XKR9: variants seen among roughly 807,000 people sequenced by gnomAD.
XKR9 encodes XK related 9.
A neutral mutation model predicts 32.0 loss-of-function variants in XKR9; 32 were observed. The ratio of observed to expected loss-of-function variants is 1.00; its 90% CI spans 0.76 to 1.34. XKR9 has a LOEUF of 1.34. Among genes scored for constraint, XKR9 ranks in the 40% most tolerant of loss-of-function variants. The pLI is 0.00. For synonymous variants in XKR9, 168 were observed against 143.4 expected (o/e 1.17, Z -1.22); for missense variants, 546 against 429.7 (o/e 1.27, Z -2.39).
chr8:70,687,528 T>G (rs1819344211), intron 3 of XKR9, among the ~76,000 whole-genome samples: 1 of 151,740 alleles, frequency 6.6e-6, no homozygotes, highest in South Asian at 2.1e-4. Flanking sequence ...TGCCATCAGG[T>G]CTGGCTAATT....
the XKR9 span, among the ~76,000 whole-genome samples, chr8:70,922,984 C>T: frequency 6.6e-6 from 1 of 152,250 alleles, no homozygotes; most frequent in Admixed American, 6.5e-5. Flanking sequence ...ATCCCTGTAG[C>T]TTGCTGACAG....
chr8:70,843,563 C>G, the XKR9 span, among the ~76,000 whole-genome samples: 1 of 152,084 alleles, frequency 6.6e-6, no homozygotes, highest in African/African-American at 2.4e-5. Flanking sequence ...CACTGAAATT[C>G]AACAGAGAAG....
chr8:70,779,573 C>T (rs1807587047), intron 2 of XKR9, among the ~76,000 whole-genome samples: 1 of 152,122 alleles, frequency 6.6e-6, no homozygotes, highest in Non-Finnish European at 1.5e-5. Context: ...GGCTGTGAAT[C>T]CGTCTGGACC....
At chr8:70,754,982 C>G (rs565379548) in intron 2 of XKR9, among the ~76,000 whole-genome samples, 159 of 151,954 alleles carry the variant, frequency 1.0e-3, no homozygotes, top group Non-Finnish European at 1.9e-3. Context: ...AGGCAACCTA[C>G]AAAATGGGAG....
chr8:70,823,112 T>C, the XKR9 span, among the ~76,000 whole-genome samples: 2 of 152,214 alleles, frequency 1.3e-5, no homozygotes, highest in Non-Finnish European at 2.9e-5. Flanking sequence ...TGAGAGATAA[T>C]ACATACATGA....
chr8:70,816,657 C>T, the XKR9 span, among the ~76,000 whole-genome samples: 3 of 152,104 alleles, frequency 2.0e-5, no homozygotes, highest in Admixed American at 6.6e-5. Flanking sequence ...ACAAAGTGAA[C>T]CCTATTAGGC....
the XKR9 span, among the ~76,000 whole-genome samples, chr8:71,008,691 A>G: frequency 6.6e-6 from 1 of 152,106 alleles, no homozygotes; most frequent in Non-Finnish European, 1.5e-5. Flanking sequence ...CAGTGGTGCA[A>G]TCTTGGCTCA....
chr8:70,899,925 A>G, the XKR9 span, among the ~76,000 whole-genome samples: 1 of 152,184 alleles, frequency 6.6e-6, no homozygotes, highest in Admixed American at 6.5e-5. Flanking sequence ...GTATCTGTAG[A>G]GTGCATTTCT....
the XKR9 span, among the ~76,000 whole-genome samples, chr8:70,877,088 T>G: frequency 6.6e-6 from 1 of 152,074 alleles, no homozygotes; most frequent in Non-Finnish European, 1.5e-5. Context: ...TCAGGAAACT[T>G]ACAATCATGG....
chr8:70,937,017 G>A, the XKR9 span, among the ~76,000 whole-genome samples: 321 of 151,990 alleles, frequency 2.1e-3, no homozygotes, highest in Non-Finnish European at 2.7e-3. Flanking sequence ...AGATTACAGA[G>A]ATAAATTGAT....
intron 4 of XKR9, among the ~76,000 whole-genome samples, chr8:70,728,020 C>T (rs1052905060): frequency 6.6e-6 from 1 of 152,104 alleles, no homozygotes; most frequent in Non-Finnish European, 1.5e-5. Context: ...GTTAGTCCTA[C>T]AAAGGCAGTC....
rs571282182 is a variant in XKR9 at position 70,708,838 on chromosome 8, C to T, written c.493+1685C>T. ...CTACCAACCAGAAAAAACCTTAGAC[C>T]AGATGGCTTCATAGCTGAATACTAT... On this transcript the variant is annotated intron_variant, in intron 4 of 4. Coordinates refer to ENST00000408926, the MANE Select transcript of XKR9 (RefSeq NM_001011720.2). Among the ~76,000 whole-genome samples the T allele has an allele frequency of 1.2e-4, 18 of 151,976 alleles. No individual in the cohort carries two copies. In the East Asian group the frequency reaches 1.5e-3, roughly 13 times the overall value.
intron 3 of XKR9, among the ~76,000 whole-genome samples, chr8:70,699,669 G>T (rs1037033577): frequency 6.6e-6 from 1 of 152,112 alleles, no homozygotes; most frequent in East Asian, 1.9e-4. Flanking sequence ...TCTTGGAGTT[G>T]CTCTTCTCGA....
chr8:70,748,044 T>C (rs1807082405), intron 2 of XKR9, among the ~76,000 whole-genome samples: 1 of 152,204 alleles, frequency 6.6e-6, no homozygotes, highest in African/African-American at 2.4e-5. Flanking sequence ...TTTGATGTTG[T>C]TATTATATCT....
chr8:70,672,939 T>C (rs949997769), intron 1 of XKR9, among the ~76,000 whole-genome samples: 2 of 152,164 alleles, frequency 1.3e-5, no homozygotes, highest in African/African-American at 4.8e-5. Flanking sequence ...TGAGTTTGAG[T>C]TCCTTGTATG....
At chr8:71,012,517 C>T in the XKR9 span, among the ~76,000 whole-genome samples, 5 of 152,102 alleles carry the variant, frequency 3.3e-5, no homozygotes, top group Non-Finnish European at 5.9e-5. Flanking sequence ...CTGGGAAAGT[C>T]AAAAATTGTG....
the XKR9 span, among the ~76,000 whole-genome samples, chr8:70,940,030 C>T: frequency 1.3e-5 from 2 of 151,880 alleles, no homozygotes; most frequent in African/African-American, 4.8e-5. Flanking sequence ...AAAAATACTA[C>T]ATAAAAATAA....
intron 2 of XKR9, among the ~76,000 whole-genome samples, chr8:70,775,624 C>T (rs1232048691): frequency 3.3e-5 from 5 of 152,018 alleles, no homozygotes; most frequent in Admixed American, 2.0e-4. Context: ...TTATACCAAC[C>T]TTGTATTCTT....
chr8:71,030,978 T>G, the XKR9 span, among the ~76,000 whole-genome samples: 1 of 152,184 alleles, frequency 6.6e-6, no homozygotes, highest in Non-Finnish European at 1.5e-5. Flanking sequence ...TTATTCCCAT[T>G]GATAATGTTT....
Sources: allele counts gnomAD v4.1 joint callset (sites outside exome capture counted in the v4.1 genomes callset), GRCh38; gene constraint gnomAD v4.1.1; transcripts MANE v1.5; gene names NCBI Gene and HGNC (gene_info 2026-07-23, HGNC 2026-07-21).